AEBP2: variants seen among roughly 807,000 people sequenced by gnomAD.
AEBP2 encodes the protein AE binding protein 2, also known as zinc finger protein AEBP2.
Under a neutral mutation model 50.8 loss-of-function variants are expected in AEBP2, and 10 were observed. The ratio of observed to expected loss-of-function variants is 0.20; its 90% confidence interval spans 0.12 to 0.33. The LOEUF (loss-of-function observed/expected upper bound fraction) is 0.33. Ranked by LOEUF, AEBP2 falls within the 10% of genes least tolerant of loss-of-function variation. The pLI is 1.00. For synonymous variants in AEBP2, 296 were observed against 261.3 expected, an observed-to-expected ratio of 1.13 and a Z score of -1.28; for missense variants, 570 against 688.0, an observed-to-expected ratio of 0.83 and a Z score of 1.92.
intron 1 of AEBP2, among the ~76,000 whole-genome samples, chr12:19,421,071 G>A (rs566485693): frequency 3.3e-5 from 5 of 152,194 alleles, no homozygotes; most frequent in South Asian, 2.1e-4. Context: ...GGGGTTGGGC[G>A]AGGTGACTCA....
rs757793677 is a variant in AEBP2, at chr12:19,440,356, G to A, written c.657G>A (p.Met219Ile). 5 of 1,468,394 alleles carry A rather than the reference G, an allele frequency of 3.4e-6. No individual in the cohort carries two copies. The highest frequency in any genetic ancestry group is 4.5e-6 in the Non-Finnish European group (5 of 1,117,310). 91.0% of individuals were successfully genotyped at this position (1,468,394 alleles called of 1,614,324 possible). Reference sequence around the variant, plus strand: ...CGGATGGGGAACCCCTGAGCCGCATGGACTCGGAGGACAGGTCAGTGCTCT... The same window carrying A: ...CGGATGGGGAACCCCTGAGCCGCATAGACTCGGAGGACAGGTCAGTGCTCT... ...MSSDGEPLSR[M>I]DSEDSISSTI... Residue 219 changes from methionine to isoleucine, a missense_variant, in exon 1 of 8, where the codon ATG becomes ATA. This residue lies in a region of AEBP2 where 386 missense variants were observed against 336.8 expected (regional missense o/e 1.15). Transcript: ENST00000266508.
chr12:19,439,293 A>C (rs928104369), upstream of AEBP2, among the ~76,000 whole-genome samples: 4 of 149,312 alleles, frequency 2.7e-5, no homozygotes, highest in Non-Finnish European at 5.9e-5. Context: ...CCAGCGTTGG[A>C]GTTTTCAGTC....
At chr12:19,414,955 C>T (rs2095741438) in intron 1 of AEBP2, among the ~76,000 whole-genome samples, 1 of 150,410 alleles carries the variant, frequency 6.6e-6, no homozygotes, top group Admixed American at 6.7e-5. Context: ...GTCCAAATCC[C>T]AGAGAACCTT....
chr12:19,406,287 C>T (rs141968384), intron 1 of AEBP2, among the ~76,000 whole-genome samples: 2 of 152,214 alleles, frequency 1.3e-5, no homozygotes, highest in Non-Finnish European at 2.9e-5. Flanking sequence ...TCATTATCAC[C>T]CAAAGTCCAT....
intron 1 of AEBP2, among the ~76,000 whole-genome samples, chr12:19,429,237 T>C (rs1286906428): frequency 6.6e-6 from 1 of 152,182 alleles, no homozygotes; most frequent in African/African-American, 2.4e-5. Context: ...GTTTGGTTTT[T>C]TGTCCTAGTG....
intron 5 of AEBP2, among the ~76,000 whole-genome samples, chr12:19,501,797 G>GTTTTTTTTTTTTTTTTTTTTTTTT (rs754195220): frequency 1.3e-4 from 9 of 70,900 alleles, no homozygotes; most frequent in African/African-American, 2.0e-4. Flanking sequence ...AAATGAGTTT[G>GTTTTTTTTTTTTTTTTTTTTTTTT]TTTTTTTTTT....
intron 3 of AEBP2, among the ~76,000 whole-genome samples, chr12:19,479,145 A>G (rs1368477384): frequency 6.6e-6 from 1 of 152,132 alleles, no homozygotes; most frequent in Non-Finnish European, 1.5e-5. Context: ...GGAGGCAGAG[A>G]TTGCCATGAG....
intron 1 of AEBP2, among the ~76,000 whole-genome samples, chr12:19,426,669 C>T (rs1351981949): frequency 3.3e-5 from 5 of 152,012 alleles, no homozygotes; most frequent in Non-Finnish European, 7.4e-5. Flanking sequence ...TTTGGGAGGC[C>T]GAGGAGGGAG....
At chr12:19,435,961 G>T (rs1419276084), upstream of AEBP2, among the ~76,000 whole-genome samples, 1 of 152,142 alleles carries the variant, frequency 6.6e-6, no homozygotes, top group East Asian at 1.9e-4. Context: ...CTCGCATCGT[G>T]AATACGGGAT....
intron 1 of AEBP2, among the ~76,000 whole-genome samples, chr12:19,405,617 C>T (rs1346730368): frequency 1.3e-5 from 2 of 152,128 alleles, no homozygotes; most frequent in African/African-American, 4.8e-5. Flanking sequence ...ATCCACTGCG[C>T]CCGGCTGGAT....
At position 19,434,266 on chromosome 12, in the gene AEBP2, C is replaced by T. The variant is rs553212451; in HGVS notation, c.-16-28244C>T. 2.3e-4 allele frequency among the ~76,000 whole-genome samples: 35 copies of T among 150,078 alleles called. No homozygotes were observed. The South Asian group carries it at 4.8e-3, about 21-fold the overall frequency. On this transcript the variant is annotated intron_variant, in intron 1 of 3. Transcript: ENST00000538425. ...TTCACTCACCACAACCTCCACCTCC[C>T]GGGTTCAAGCGATTCTCCTGCCTCA...
chr12:19,482,865 G>C (rs948771324), intron 3 of AEBP2, among the ~76,000 whole-genome samples: 1 of 152,146 alleles, frequency 6.6e-6, no homozygotes, highest in East Asian at 1.9e-4. Flanking sequence ...CCAGGGAAGT[G>C]GGGGGTTGTG....
At chr12:19,487,440 A>G (rs1049235925) in intron 3 of AEBP2, among the ~76,000 whole-genome samples, 2 of 152,184 alleles carry the variant, frequency 1.3e-5, no homozygotes, top group African/African-American at 2.4e-5. Flanking sequence ...AAAAGGGGCC[A>G]GGTGCAGTGG....
chr12:19,437,875 G>A (rs1398036572), upstream of AEBP2, among the ~76,000 whole-genome samples: 1 of 152,156 alleles, frequency 6.6e-6, no homozygotes, highest in Non-Finnish European at 1.5e-5. Flanking sequence ...GGGTACTCAC[G>A]GTATATGACG....
chr12:19,461,386 C>A (rs1191434058), intron 1 of AEBP2, among the ~76,000 whole-genome samples: 1 of 152,114 alleles, frequency 6.6e-6, no homozygotes, highest in Non-Finnish European at 1.5e-5. Flanking sequence ...AGCATTTTGA[C>A]CACTAGTATA....
chr12:19,445,285 G>A (rs1948040143), intron 1 of AEBP2, among the ~76,000 whole-genome samples: 1 of 151,984 alleles, frequency 6.6e-6, no homozygotes, highest in Non-Finnish European at 1.5e-5. Flanking sequence ...GGCAGCCTCT[G>A]CCTCCCGGGT....
chr12:19,440,167 G>T lies in AEBP2; in HGVS notation c.468G>T (p.Glu156Asp). Residue 156 changes from glutamate (E) to aspartate (D), a missense_variant, in exon 1 of 8, where the codon GAG becomes GAT. Glu to Asp is a conservative substitution (Grantham distance 45, BLOSUM62 2). Around this residue, in one of 2 missense-constraint regions of AEBP2, gnomAD observed 386 missense variants for 336.8 expected, o/e 1.15. Transcript: ENST00000266508. ...GCAGCGGGGATGGGGACGGCAAGGAGGGCCTGGAGGAGCCCAAGGGACCGC... is the reference window on the plus strand; with the variant it reads ...GCAGCGGGGATGGGGACGGCAAGGATGGCCTGGAGGAGCCCAAGGGACCGC... ...SSSSGDGDGK[E>D]GLEEPKGPRG... The T allele has an allele frequency of 6.7e-7, 1 of 1,495,356 alleles. No homozygotes were observed. Among genetic ancestry groups the T allele is most frequent in the African/African-American group, 1.4e-5 (1 of 69,202 alleles). The allele number at this position is 1,495,356 out of a possible 1,614,324, so 92.6% of individuals were successfully genotyped here. A position where few individuals can be genotyped will look rare whatever the true frequency, so the allele number is the denominator to read the frequency against.
chr12:19,492,472 T>TA (rs1372880795), intron 3 of AEBP2, among the ~76,000 whole-genome samples: 3 of 152,152 alleles, frequency 2.0e-5, no homozygotes, highest in Admixed American at 6.6e-5. Context: ...ATTTAATGGA[T>TA]ATTGTAGAGG....
chr12:19,416,740 C>A (rs1314829624), intron 1 of AEBP2, among the ~76,000 whole-genome samples: 2 of 151,276 alleles, frequency 1.3e-5, no homozygotes, highest in Non-Finnish European at 2.9e-5. Context: ...TCTCCGGGTT[C>A]AGGATTTCTC....
Sources: gnomAD v4.1 joint callset for allele counts (sites outside exome capture counted in the v4.1 genomes callset) on GRCh38, gnomAD v4.1.1 for gene constraint, gnomAD v4.1.1 regional missense constraint, MANE v1.5 for transcripts, NCBI Gene and HGNC (gene_info 2026-07-23, HGNC 2026-07-21) for gene names.